The following SAR1A variants were observed in gnomAD, a reference collection of about 807,000 sequenced individuals.
The protein encoded by SAR1A is secretion associated Ras related GTPase 1A.
In SAR1A, 6 loss-of-function variants were observed where a neutral mutation model predicts 22.6. The observed-to-expected ratio is 0.27, with a 90% CI of 0.15 to 0.52. SAR1A has a LOEUF of 0.52. Among genes scored for constraint, SAR1A ranks in the 20% least tolerant of loss-of-function variants. The pLI is 0.96. For missense variants in SAR1A, 145 were observed against 245.1 expected (o/e 0.59, Z 2.73); for synonymous variants, 70 against 82.2 (o/e 0.85, Z 0.80).
rs1325679288 is a variant in SAR1A at position 70,151,512 on chromosome 10, C to A, written c.*964G>T. ...GAGCCCTTAAGCTGTTAACTTTGTC[C>A]TGTCTTCCTATTCAGAAAAATGTCC... On this transcript the variant is annotated 3_prime_UTR_variant, in exon 7 of 7. Coordinates refer to ENST00000373241, the MANE Select transcript of SAR1A (RefSeq NM_020150.5). 1.3e-5 allele frequency: 2 copies of A among 152,412 alleles called. No homozygotes were observed. Among genetic ancestry groups the A allele is most frequent in the Non-Finnish European group, 2.9e-5 (2 of 68,020 alleles). The allele number at this position is 152,412 out of a possible 1,614,324, so 9.4% of individuals were successfully genotyped here.
chr10:70,164,451 G>A (rs2136720621), intron 1 of SAR1A, among the ~76,000 whole-genome samples: 1 of 152,324 alleles, frequency 6.6e-6, no homozygotes, highest in South Asian at 2.1e-4. Flanking sequence ...TTTAGGAACT[G>A]TCAGCATGGT....
At chr10:70,164,330 T>C (rs1484001608) in intron 1 of SAR1A, among the ~76,000 whole-genome samples, 6 of 152,242 alleles carry the variant, frequency 3.9e-5, no homozygotes, top group Non-Finnish European at 7.3e-5. Context: ...AAGTAACATG[T>C]TGCCTGTGGC....
At chr10:70,168,162 T>G (rs1342870842) in intron 1 of SAR1A, among the ~76,000 whole-genome samples, 1 of 152,240 alleles carries the variant, frequency 6.6e-6, no homozygotes, top group Non-Finnish European at 1.5e-5. Context: ...AAATCCCGGC[T>G]GCTGCTGATT....
At chr10:70,169,474 A>C (rs1413568941) in intron 1 of SAR1A, among the ~76,000 whole-genome samples, 1 of 152,228 alleles carries the variant, frequency 6.6e-6, no homozygotes, top group Non-Finnish European at 1.5e-5. Context: ...ACTATCAACA[A>C]AACACTATTA....
chr10:70,158,784 T>C (rs1044840592), intron 4 of SAR1A, among the ~76,000 whole-genome samples: 1 of 145,458 alleles, frequency 6.9e-6, no homozygotes. Flanking sequence ...AACCTCCAGA[T>C]GTACAGTACT....
chr10:70,161,202 C>T lies in SAR1A; in HGVS notation c.179-133G>A. The T allele has an allele frequency of 4.4e-6, 3 of 677,326 alleles. No homozygotes were observed. The South Asian group carries it at 6.0e-5, about 14-fold the overall frequency. The allele number at this position is 677,326 out of a possible 1,614,324, so 42.0% of individuals were successfully genotyped here. ...AAGAAGTTGAGTGTGGTGGTACCCGCCTGTAGTTCCAGCTACTCAGGAGGC... is the reference window on the plus strand; with the variant it reads ...AAGAAGTTGAGTGTGGTGGTACCCGTCTGTAGTTCCAGCTACTCAGGAGGC... On this transcript the variant is annotated intron_variant, in intron 3 of 6. Coordinates refer to ENST00000373241, the MANE Select transcript of SAR1A (RefSeq NM_020150.5).
chr10:70,159,284 A>G (rs980504840), intron 4 of SAR1A, among the ~76,000 whole-genome samples: 13 of 152,250 alleles, frequency 8.5e-5, no homozygotes, highest in African/African-American at 3.1e-4. Flanking sequence ...TTCAGGGCAT[A>G]AATATTAAAT....
intron 5 of SAR1A, among the ~76,000 whole-genome samples, chr10:70,155,657 AAC>A (rs1839378894): frequency 6.6e-6 from 1 of 152,236 alleles, no homozygotes; most frequent in South Asian, 2.1e-4. Context: ...GTGGGAGTCT[AAC>A]ACAGTCTCAG....
chr10:70,153,810 ATATG>A, intron 6 of SAR1A, 24 bp downstream of exon 6: 1 of 1,560,176 alleles, frequency 6.4e-7, no homozygotes, highest in Non-Finnish European at 8.6e-7. Context: ...AATGTCCTTT[ATATG>A]TAACCCAAAT....
At chr10:70,168,219 G>T (rs2136725005) in intron 1 of SAR1A, among the ~76,000 whole-genome samples, 1 of 152,270 alleles carries the variant, frequency 6.6e-6, no homozygotes, top group South Asian at 2.1e-4. Context: ...AGTGTCAAAG[G>T]AAAATAAAAT....
At chr10:70,169,931 C>T (rs1207004139) in intron 1 of SAR1A, among the ~76,000 whole-genome samples, 1 of 152,166 alleles carries the variant, frequency 6.6e-6, no homozygotes, top group Non-Finnish European at 1.5e-5. Context: ...GACAACCAAG[C>T]GCTGACTTGG....
rs1029909145 is a variant in SAR1A at position 70,147,530 on chromosome 10, T to C, written c.*4946A>G. ...GTGTCCCAATAAAAAGATACAGACA[T>C]TGAAATTTTAATTTCATACAATTTT... On this transcript the variant is annotated 3_prime_UTR_variant, in exon 7 of 7. Coordinates refer to ENST00000373241, the MANE Select transcript of SAR1A (RefSeq NM_020150.5). 27 of 152,226 alleles carry C rather than the reference T, an allele frequency of 1.8e-4. No homozygotes were observed. Among genetic ancestry groups the C allele is most frequent in the African/African-American group, 6.0e-4 (25 of 41,444 alleles). 9.4% of individuals were successfully genotyped at this position (152,226 alleles called of 1,614,324 possible).
At chr10:70,166,150 T>C (rs1338652050) in intron 1 of SAR1A, among the ~76,000 whole-genome samples, 1 of 152,272 alleles carries the variant, frequency 6.6e-6, no homozygotes, top group Non-Finnish European at 1.5e-5. Flanking sequence ...GTAACTTTTA[T>C]GTGCACTAGG....
chr10:70,161,241 A>G (rs1021536243), intron 3 of SAR1A, 172 bp from the exon 4 acceptor site: 2 of 575,210 alleles, frequency 3.5e-6, no homozygotes, highest in Admixed American at 3.4e-5. Flanking sequence ...GGGCAGGAGG[A>G]TAATCTGAGC....
At chr10:70,165,922 C>T (rs1839543871) in intron 1 of SAR1A, among the ~76,000 whole-genome samples, 1 of 152,200 alleles carries the variant, frequency 6.6e-6, no homozygotes, top group Non-Finnish European at 1.5e-5. Flanking sequence ...ACTGCCACAG[C>T]CATCCCAACC....
At chr10:70,167,149 G>A (rs1182723298) in intron 1 of SAR1A, among the ~76,000 whole-genome samples, 2 of 152,044 alleles carry the variant, frequency 1.3e-5, no homozygotes, top group Admixed American at 6.6e-5. Context: ...TACATATATT[G>A]GTAATAAGCA....
At chr10:70,162,007 C>T in intron 1 of SAR1A, 76 bp from the exon 2 acceptor site, 2 of 1,066,668 alleles carry the variant, frequency 1.9e-6, no homozygotes, top group South Asian at 2.7e-5. Flanking sequence ...ACTCTTGTTC[C>T]CTAGCCATGA....
rs572756695 is a variant in SAR1A at position 70,150,367 on chromosome 10, G to C, written c.*2109C>G. The C allele has an allele frequency of 2.0e-5, 3 of 152,272 alleles. No individual in the cohort carries two copies. In the South Asian group the frequency reaches 6.2e-4, roughly 32 times the overall value. 9.4% of individuals were successfully genotyped at this position (152,272 alleles called of 1,614,324 possible). On this transcript the variant is annotated 3_prime_UTR_variant, in exon 7 of 7. Coordinates refer to ENST00000373241, the MANE Select transcript of SAR1A (RefSeq NM_020150.5). ...ATACAAGGTGCTGATCCTGTGTTTG[G>C]AGCTGAGCTCCTCACAGCAGCTTCT...
chr10:70,157,716 A>G lies in SAR1A; in HGVS notation c.348+48T>C, dbSNP rs376778371. The stretch of plus-strand genomic sequence containing the variant: ...TTCCTTAAAAAAAAATAGAGGCCAA[A>G]AAAGAACAAAATATACATTAAAATA... On this transcript the variant is annotated intron_variant, in intron 5 of 6. Transcript: ENST00000373241. 2,983 of 1,453,216 alleles carry G rather than the reference A, an allele frequency of 2.1e-3. 52 individuals carry two copies. In the South Asian group the frequency reaches 0.023, roughly 11 times the overall value. The allele number at this position is 1,453,216 out of a possible 1,614,324, so 90.0% of individuals were successfully genotyped here. A position where few individuals can be genotyped will look rare whatever the true frequency, so the allele number is the denominator to read the frequency against.
Sources: allele counts gnomAD v4.1 joint callset (sites outside exome capture counted in the v4.1 genomes callset), GRCh38; gene constraint gnomAD v4.1.1; transcripts MANE v1.5; gene names NCBI Gene and HGNC (gene_info 2026-07-23, HGNC 2026-07-21).